The following SMG6 variants were observed in gnomAD, a reference collection of about 807,000 sequenced individuals.
SMG6 encodes the protein SMG6 nonsense mediated mRNA decay factor.
A neutral mutation model predicts 142.2 loss-of-function variants in SMG6; 66 were observed. That is an observed-to-expected ratio of 0.46 (90% CI 0.38 to 0.57). The LOEUF is 0.57. Ranked by LOEUF, SMG6 falls within the 20% of genes least tolerant of loss-of-function variation. The pLI is 0.00. For missense variants in SMG6, 1,793 were observed against 1,832.0 expected (o/e 0.98, Z 0.39); for synonymous variants, 779 against 702.4 (o/e 1.11, Z -1.72).
At chr17:2,092,921 T>A (rs2068762656) in intron 13 of SMG6, among the ~76,000 whole-genome samples, 1 of 152,168 alleles carries the variant, frequency 6.6e-6, no homozygotes, top group African/African-American at 2.4e-5. Flanking sequence ...ACAGGCCGGG[T>A]GCAGTGGCTC....
chr17:2,207,115 TCCAA>T (rs2072706651), intron 10 of SMG6, among the ~76,000 whole-genome samples: 2 of 56,640 alleles, frequency 3.5e-5, no homozygotes, highest in Non-Finnish European at 7.4e-5. Context: ...CTACTAAAAA[TCCAA>T]AAAAAAAAAA....
At chr17:2,163,724 A>G (rs1341345655) in intron 13 of SMG6, among the ~76,000 whole-genome samples, 2 of 150,862 alleles carry the variant, frequency 1.3e-5, no homozygotes, top group African/African-American at 4.9e-5. Context: ...TGTACTGACT[A>G]GGACCAACAC....
chr17:2,180,669 AG>A (rs1460104520), intron 12 of SMG6, among the ~76,000 whole-genome samples: 1 of 152,144 alleles, frequency 6.6e-6, no homozygotes, highest in African/African-American at 2.4e-5. Context: ...CCCCTCAGAG[AG>A]GGGAAGATGC....
At chr17:2,212,401 C>T (rs891417294) in intron 10 of SMG6, among the ~76,000 whole-genome samples, 2 of 152,154 alleles carry the variant, frequency 1.3e-5, no homozygotes, top group Non-Finnish European at 2.9e-5. Flanking sequence ...GGAGTTTTGT[C>T]TGGCAGTTGC....
At chr17:2,063,043 T>C (rs1045819637) in intron 18 of SMG6, 4 of 152,198 alleles carry the variant, frequency 2.6e-5, no homozygotes, top group Non-Finnish European at 5.9e-5. Flanking sequence ...GTGGCTGGGG[T>C]GGTGGTATGC....
Position 2,065,099 on chromosome 17 carries a change from G to A in SMG6, c.4103C>T (p.Ala1368Val). The change falls in exon 18 of 19, where the codon GCT becomes GTT. Residue 1368 changes from alanine to valine, a missense_variant. Coordinates refer to ENST00000263073, the MANE Select transcript of SMG6 (RefSeq NM_017575.5). ...SCCLHYCKDK[A>V]KDFMPASKEE... ...TTTGCTGGCGGGCATGAAGTCCTTA[G>A]CCTTGTCTTTGCAGTAGTGGAGGCA... 6.2e-7 allele frequency: 1 copy of A among 1,613,914 alleles called. No individual in the cohort carries two copies.
intron 10 of SMG6, among the ~76,000 whole-genome samples, chr17:2,225,325 A>G (rs2073285574): frequency 6.6e-6 from 1 of 150,874 alleles, no homozygotes; most frequent in African/African-American, 2.4e-5. Context: ...AAAAATACAA[A>G]AAAAAGAAAA....
At chr17:2,162,942 C>T (rs936000182) in intron 13 of SMG6, among the ~76,000 whole-genome samples, 1 of 152,080 alleles carries the variant, frequency 6.6e-6, no homozygotes, top group Non-Finnish European at 1.5e-5. Context: ...AGTGATCCTC[C>T]CACCTCAGCC....
intron 8 of SMG6, among the ~76,000 whole-genome samples, chr17:2,255,165 GA>G (rs1237538900): frequency 6.6e-6 from 1 of 151,962 alleles, no homozygotes; most frequent in Admixed American, 6.6e-5. Context: ...AGCACTTTGG[GA>G]GGCCGAGGCG....
At chr17:2,258,254 C>A (rs2074236868) in intron 8 of SMG6, among the ~76,000 whole-genome samples, 1 of 151,862 alleles carries the variant, frequency 6.6e-6, no homozygotes, top group South Asian at 2.1e-4. Flanking sequence ...TATTTCTCGC[C>A]TTTTAAAAAA....
intron 8 of SMG6, among the ~76,000 whole-genome samples, chr17:2,257,515 C>A (rs1483748521): frequency 6.6e-6 from 1 of 152,164 alleles, no homozygotes; most frequent in Non-Finnish European, 1.5e-5. Flanking sequence ...GTAGCAATTC[C>A]ATCTGCTACA....
intron 13 of SMG6, among the ~76,000 whole-genome samples, chr17:2,149,669 T>C (rs1448759886): frequency 6.6e-6 from 1 of 152,156 alleles, no homozygotes. Context: ...CCAAATATTG[T>C]CCTCAGCTCT....
intron 10 of SMG6, among the ~76,000 whole-genome samples, chr17:2,211,385 C>G (rs2072856346): frequency 6.6e-6 from 1 of 152,150 alleles, no homozygotes; most frequent in African/African-American, 2.4e-5. Flanking sequence ...GTTATTTGGG[C>G]CAGGCGCGGT....
intron 8 of SMG6, among the ~76,000 whole-genome samples, chr17:2,255,331 G>A (rs1277405876): frequency 6.9e-6 from 1 of 145,972 alleles, no homozygotes; most frequent in Admixed American, 6.9e-5. Context: ...GTGAACCCGG[G>A]AGGCGGAGCT....
At chr17:2,093,508 T>C (rs865826007) in intron 13 of SMG6, among the ~76,000 whole-genome samples, 1 of 152,108 alleles carries the variant, frequency 6.6e-6, no homozygotes, top group Non-Finnish European at 1.5e-5. Context: ...ATTGAGCAGC[T>C]GGCATTTTTT....
intron 13 of SMG6, among the ~76,000 whole-genome samples, chr17:2,116,251 A>AT (rs997133451): frequency 2.7e-5 from 4 of 149,676 alleles, no homozygotes; most frequent in Non-Finnish European, 3.0e-5. Flanking sequence ...TTTATTTTTT[A>AT]TTTTTTTTGT....
In SMG6 at chr17:2,298,021, G is replaced by C. The variant is rs748444794; in HGVS notation, c.1882C>G (p.Leu628Val). 5 of 1,612,196 alleles carry C rather than the reference G, an allele frequency of 3.1e-6. No homozygotes were observed. Among genetic ancestry groups the C allele is most frequent in the Non-Finnish European group, 3.4e-6 (4 of 1,179,904 alleles). ...TTATCAGAGAACTCAATATCTAATA[G>C]AATACAGCGCTCATATAGCTGCAGC... ...ELLQLYERCI[L>V]LDIEFSDNQN... Residue 628 changes from leucine to valine, a missense_variant, in exon 3 of 19, where the codon CTA (leucine) becomes GTA (valine). By Grantham distance (32) the Leu-to-Val change is conservative (BLOSUM62 1). This residue lies in a region of SMG6 where 1,597 missense variants were observed against 1,584.6 expected (regional missense o/e 1.01). Coordinates refer to ENST00000263073, the MANE Select transcript of SMG6 (RefSeq NM_017575.5).
chr17:2,229,023 A>G (rs1296495454), intron 10 of SMG6, among the ~76,000 whole-genome samples: 1 of 151,936 alleles, frequency 6.6e-6, no homozygotes, highest in Non-Finnish European at 1.5e-5. Context: ...CTAAAAGAAG[A>G]GGGATATTAG....
chr17:2,300,085 C>G lies in SMG6; in HGVS notation c.668G>C (p.Gly223Ala). 6.2e-7 allele frequency: 1 copy of G among 1,614,170 alleles called. No homozygotes were observed. The highest frequency in any genetic ancestry group is 8.5e-7 in the Non-Finnish European group (1 of 1,179,996). Reference protein sequence around the residue: ...KGEKGKRMGKGEGVRETHDDP... With the variant: ...KGEKGKRMGKAEGVRETHDDP... Reference sequence around the variant, plus strand: ...GTCGTGGGTTTCCCTCACCCCCTCCCCTTTTCCCATCCTCTTTCCTTTTTC... The same window carrying G: ...GTCGTGGGTTTCCCTCACCCCCTCCGCTTTTCCCATCCTCTTTCCTTTTTC... The change falls in exon 2 of 19, where the codon GGG becomes GCG. Residue 223 changes from glycine (G) to alanine (A), a missense_variant. Coordinates refer to ENST00000263073, the MANE Select transcript of SMG6 (RefSeq NM_017575.5).
Sources: allele counts gnomAD v4.1 joint callset (sites outside exome capture counted in the v4.1 genomes callset), GRCh38; gene constraint gnomAD v4.1.1; regional missense constraint gnomAD v4.1.1; transcripts MANE v1.5; gene names NCBI Gene and HGNC (gene_info 2026-07-23, HGNC 2026-07-21).